The following ARIH1 variants were observed in gnomAD, a reference collection of about 807,000 sequenced individuals.
The protein encoded by ARIH1 is E3 ubiquitin-protein ligase ARIH1.
ARIH1 carries 8 observed loss-of-function variants against 85.0 expected under a neutral mutation model. That is an observed-to-expected ratio of 0.09 (90% CI 0.06 to 0.17). The LOEUF (loss-of-function observed/expected upper bound fraction) is 0.17, where lower values mean the gene tolerates loss of function less well. Ranked by LOEUF, ARIH1 falls within the 10% of genes least tolerant of loss-of-function variation. ARIH1 has a pLI of 1.00. For missense variants in ARIH1, 311 were observed against 718.1 expected (o/e 0.43, Z 6.48); for synonymous variants, 238 against 253.6 (o/e 0.94, Z 0.59).
At chr15:72,498,961 ATTTTTTTTTTTTTTTTTTTTT>A (rs535261674) in intron 1 of ARIH1, among the ~76,000 whole-genome samples, 42 of 88,434 alleles carry the variant, frequency 4.7e-4, no homozygotes, top group African/African-American at 1.8e-3. Context: ...CTTTTCATAA[ATTTTTTTTTTTTTTTTTTTTT>A]TTTTTTTTTT....
At chr15:72,479,570 A>G (rs1159292705) in intron 1 of ARIH1, among the ~76,000 whole-genome samples, 3 of 151,716 alleles carry the variant, frequency 2.0e-5, no homozygotes, top group Admixed American at 2.0e-4. Context: ...CACCACACCC[A>G]ACTAATTTTT....
chr15:72,558,024 C>A (rs999873887), intron 5 of ARIH1, among the ~76,000 whole-genome samples: 1 of 152,086 alleles, frequency 6.6e-6, no homozygotes, highest in African/African-American at 2.4e-5. Context: ...TATTTAGATA[C>A]ATTTTATTTC....
chr15:72,496,786 T>A (rs2063881939), intron 1 of ARIH1: 1 of 985,310 alleles, frequency 1.0e-6, no homozygotes, highest in Non-Finnish European at 1.2e-6. Flanking sequence ...ATCTGTCTGT[T>A]ACAGTGCATA....
intron 2 of ARIH1, among the ~76,000 whole-genome samples, chr15:72,533,234 A>G (rs1268565837): frequency 6.6e-6 from 1 of 152,132 alleles, no homozygotes; most frequent in Non-Finnish European, 1.5e-5. Flanking sequence ...GGTTCAAGCA[A>G]TTCTCCTGTC....
chr15:72,488,075 G>A (rs1216194537), intron 1 of ARIH1, among the ~76,000 whole-genome samples: 1 of 151,776 alleles, frequency 6.6e-6, no homozygotes, highest in Non-Finnish European at 1.5e-5. Flanking sequence ...TTGCTCTGTT[G>A]CTCAGGCTGG....
intron 5 of ARIH1, among the ~76,000 whole-genome samples, chr15:72,561,255 TAAG>T (rs1042754517): frequency 1.3e-5 from 2 of 152,054 alleles, no homozygotes; most frequent in African/African-American, 4.8e-5. Flanking sequence ...ATTTAAAAAA[TAAG>T]AACCATGGAA....
intron 2 of ARIH1, among the ~76,000 whole-genome samples, chr15:72,519,563 A>AACCTCC (rs1195306219): frequency 2.9e-5 from 4 of 137,112 alleles, no homozygotes; most frequent in Non-Finnish European, 6.1e-5. Flanking sequence ...GGCTCACTGC[A>AACCTCC]ACCTCCACCT....
intron 1 of ARIH1, among the ~76,000 whole-genome samples, chr15:72,476,451 GCCTGCCGGGTTCATGCAATTCT>G (rs2063795413): frequency 6.6e-6 from 1 of 152,172 alleles, no homozygotes; most frequent in Non-Finnish European, 1.5e-5. Flanking sequence ...TGCAACCTCC[GCCTGCCGGGTTCATGCAATTCT>G]CCTGCCTCGG....
Position 72,546,906 on chromosome 15 carries a change from C to CCTTTT in ARIH1, c.588+1958_588+1962dup, listed in dbSNP as rs139023609. Among the ~76,000 whole-genome samples the CCTTTT allele has an allele frequency of 2.9e-3, 391 of 134,612 alleles. 6 individuals carry two copies. Among genetic ancestry groups the CCTTTT allele is most frequent in the African/African-American group, 0.011 (381 of 34,546 alleles). The allele number at this position is 134,612 out of a possible 152,430, so 88.3% of individuals were successfully genotyped here. On this transcript the variant is annotated intron_variant, in intron 3 of 13. Transcript: ENST00000379887. Reference sequence around the variant, plus strand: ...CGCTCCTCCAGTTTTGGTTTCTTCTCCTTTTCTTTTCTTTTCTTTTTTTTT... The same window carrying CCTTTT: ...CGCTCCTCCAGTTTTGGTTTCTTCTCCTTTTCTTTTCTTTTCTTTTCTTTTTTTTT...
At chr15:72,504,454 C>T (rs970896784) in intron 1 of ARIH1, among the ~76,000 whole-genome samples, 4 of 151,992 alleles carry the variant, frequency 2.6e-5, no homozygotes, top group African/African-American at 7.3e-5. Flanking sequence ...ATGGTGGAGG[C>T]GGATAATTTT....
At chr15:72,487,706 T>G (rs1323655314) in intron 1 of ARIH1, among the ~76,000 whole-genome samples, 1 of 152,196 alleles carries the variant, frequency 6.6e-6, no homozygotes, top group Admixed American at 6.5e-5. Flanking sequence ...TCCTTTTTAC[T>G]AACTAATCCT....
chr15:72,513,996 G>A (rs760015465), intron 1 of ARIH1, among the ~76,000 whole-genome samples: 7 of 149,962 alleles, frequency 4.7e-5, no homozygotes, highest in East Asian at 2.0e-4. Context: ...ACGCCACCAC[G>A]CCCAGCTAAT....
At chr15:72,524,309 C>T (rs2064016395) in intron 2 of ARIH1, among the ~76,000 whole-genome samples, 1 of 148,394 alleles carries the variant, frequency 6.7e-6, no homozygotes, top group Admixed American at 6.9e-5. Context: ...TGCAATGGTG[C>T]AATGTCCACT....
At chr15:72,489,178 A>G (rs942866444) in intron 1 of ARIH1, among the ~76,000 whole-genome samples, 2 of 149,576 alleles carry the variant, frequency 1.3e-5, no homozygotes, top group African/African-American at 4.9e-5. Context: ...CAGGAGGTCA[A>G]TCAAGGCTGT....
chr15:72,487,639 C>T (rs971603299), intron 1 of ARIH1, among the ~76,000 whole-genome samples: 10 of 151,550 alleles, frequency 6.6e-5, no homozygotes, highest in Admixed American at 3.3e-4. Context: ...CCTTCATTTT[C>T]CACATCCAGT....
chr15:72,540,844 A>G, intron 2 of ARIH1, among the ~76,000 whole-genome samples: 1 of 152,118 alleles, frequency 6.6e-6, no homozygotes, highest in Non-Finnish European at 1.5e-5. Context: ...ATTTTTTTTA[A>G]AAAAGGTATT....
At chr15:72,478,660 T>C (rs1165659445) in intron 1 of ARIH1, among the ~76,000 whole-genome samples, 1 of 152,138 alleles carries the variant, frequency 6.6e-6, no homozygotes, top group Non-Finnish European at 1.5e-5. Flanking sequence ...TTCCAGAGAT[T>C]CTTACTCATT....
intron 7 of ARIH1, among the ~76,000 whole-genome samples, chr15:72,564,129 A>G (rs1442266650): frequency 6.6e-6 from 1 of 152,134 alleles, no homozygotes; most frequent in African/African-American, 2.4e-5. Flanking sequence ...TTTCCTTTTG[A>G]TGAACAGTTT....
rs193052975 is a variant in ARIH1, at chr15:72,539,415, T to G, written c.444-5405T>G. Among the ~76,000 whole-genome samples the G allele has an allele frequency of 5.0e-3, 743 of 147,922 alleles. 9 individuals are homozygous for G. Among genetic ancestry groups the G allele is most frequent in the African/African-American group, 0.018 (711 of 40,132 alleles). ...AGATGAGGGATCAGAGGTAAACTGA[T>G]AAAACAACAGAAGGTGAAAAGGGAA... On this transcript the variant is annotated intron_variant, in intron 2 of 13. Transcript: ENST00000379887.
Sources: allele counts gnomAD v4.1 joint callset (sites outside exome capture counted in the v4.1 genomes callset), GRCh38; gene constraint gnomAD v4.1.1; transcripts MANE v1.5; gene names NCBI Gene and HGNC (gene_info 2026-07-23, HGNC 2026-07-21).